Variants in SPAG16 observed in about 807,000 individuals in gnomAD.
SPAG16 encodes sperm-associated antigen 16 protein.
In SPAG16, 86 loss-of-function variants were observed where a neutral mutation model predicts 80.4. That is an observed-to-expected ratio of 1.07 (90% CI 0.90 to 1.28). The LOEUF (loss-of-function observed/expected upper bound fraction) is 1.28. Ranked by LOEUF, SPAG16 falls within the 50% of genes most tolerant of loss-of-function variation. The pLI is 0.00. For missense variants in SPAG16, 870 were observed against 765.3 expected (o/e 1.14, Z -1.61); for synonymous variants, 294 against 265.9 (o/e 1.11, Z -1.03).
intron 15 of SPAG16, among the ~76,000 whole-genome samples, chr2:214,266,873 A>G (rs1691613645): frequency 1.3e-5 from 2 of 151,832 alleles, no homozygotes; most frequent in African/African-American, 2.4e-5. Flanking sequence ...TTAGGAGTCA[A>G]TTTAACCAAG....
At chr2:213,396,535 CT>C in intron 9 of SPAG16, 1 of 355,136 alleles carries the variant, frequency 2.8e-6, no homozygotes, top group South Asian at 2.2e-5. Flanking sequence ...CAAGAGAAAG[CT>C]TATGAGCTCA....
chr2:213,934,823 A>G (rs2078918944), intron 12 of SPAG16, among the ~76,000 whole-genome samples: 1 of 152,062 alleles, frequency 6.6e-6, no homozygotes, highest in African/African-American at 2.4e-5. Context: ...TGAAAGAACA[A>G]TTGTCAAGCT....
At chr2:214,198,954 G>GT (rs2057929468) in intron 15 of SPAG16, among the ~76,000 whole-genome samples, 1 of 151,938 alleles carries the variant, frequency 6.6e-6, no homozygotes, top group East Asian at 1.9e-4. Flanking sequence ...GGGATTACTT[G>GT]TTTTTGTCTT....
At chr2:213,700,743 A>T (rs1412594871) in intron 10 of SPAG16, among the ~76,000 whole-genome samples, 6 of 152,256 alleles carry the variant, frequency 3.9e-5, no homozygotes, top group Non-Finnish European at 1.5e-5. Context: ...CAATTAATCT[A>T]TACAAAGGTC....
chr2:213,555,637 A>T (rs1014093314), intron 10 of SPAG16, among the ~76,000 whole-genome samples: 3 of 152,232 alleles, frequency 2.0e-5, no homozygotes, highest in Non-Finnish European at 4.4e-5. Context: ...TTTACATATG[A>T]GACAAGATAC....
At chr2:213,756,283 C>G (rs2068326130) in intron 10 of SPAG16, among the ~76,000 whole-genome samples, 1 of 152,092 alleles carries the variant, frequency 6.6e-6, no homozygotes, top group South Asian at 2.1e-4. Flanking sequence ...GAGTTCAAGA[C>G]CAGCCTGGCC....
At chr2:213,969,869 A>T (rs1307548051) in intron 12 of SPAG16, among the ~76,000 whole-genome samples, 1 of 151,838 alleles carries the variant, frequency 6.6e-6, no homozygotes, top group Non-Finnish European at 1.5e-5. Flanking sequence ...TTTAACAGTT[A>T]AAAAAAAGGC....
chr2:213,848,104 T>C (rs961500286), intron 10 of SPAG16, among the ~76,000 whole-genome samples: 1 of 152,200 alleles, frequency 6.6e-6, no homozygotes, highest in African/African-American at 2.4e-5. Context: ...AAACTCAGTG[T>C]AGATAATAAA....
chr2:213,414,886 GCTGT>G (rs1299023952), intron 9 of SPAG16, among the ~76,000 whole-genome samples: 4 of 152,210 alleles, frequency 2.6e-5, no homozygotes, highest in African/African-American at 9.7e-5. Flanking sequence ...GGTAGAATGT[GCTGT>G]CTGTTCTTTG....
intron 14 of SPAG16, among the ~76,000 whole-genome samples, chr2:214,122,825 G>A (rs1199634700): frequency 6.6e-6 from 1 of 151,774 alleles, no homozygotes; most frequent in African/African-American, 2.4e-5. Flanking sequence ...ACTAAAGCAG[G>A]TTCTGTCTAT....
intron 11 of SPAG16, among the ~76,000 whole-genome samples, chr2:213,892,425 C>G (rs2076818447): frequency 6.6e-6 from 1 of 152,062 alleles, no homozygotes; most frequent in Non-Finnish European, 1.5e-5. Context: ...GAAATAATAG[C>G]AAACAGGAAA....
intron 9 of SPAG16, among the ~76,000 whole-genome samples, chr2:213,462,968 G>A (rs113765728): frequency 0.023 from 3,533 of 152,292 alleles, 56 homozygotes; most frequent in South Asian, 0.038. Flanking sequence ...AAGACACAAA[G>A]ATTTGGGAAA....
At chr2:214,131,820 A>G (rs2193784) in intron 14 of SPAG16, among the ~76,000 whole-genome samples, 19,463 of 152,162 alleles carry the variant, frequency 0.13, 1,535 homozygotes, top group East Asian at 0.29. Context: ...AGGGATGAAT[A>G]GACAGGGCAT....
At chr2:214,108,298 T>G (rs1287249383) in intron 14 of SPAG16, 37 bp downstream of exon 14, 1 of 1,485,260 alleles carries the variant, frequency 6.7e-7, no homozygotes, top group Non-Finnish European at 9.3e-7. Context: ...TTTTTAATGC[T>G]TCATATATAC....
At chr2:214,256,255 A>T (rs1187794470) in intron 15 of SPAG16, among the ~76,000 whole-genome samples, 1 of 151,846 alleles carries the variant, frequency 6.6e-6, no homozygotes, top group Non-Finnish European at 1.5e-5. Context: ...TTTTTTAATG[A>T]TGAACCTACT....
intron 12 of SPAG16, among the ~76,000 whole-genome samples, chr2:213,979,238 C>G (rs1475917432): frequency 2.0e-5 from 3 of 151,422 alleles, no homozygotes; most frequent in African/African-American, 4.9e-5. Flanking sequence ...AGTCATGTCT[C>G]TCTTTTTAAA....
At chr2:214,408,752 G>T (rs1248293672) in intron 15 of SPAG16, among the ~76,000 whole-genome samples, 1 of 152,066 alleles carries the variant, frequency 6.6e-6, no homozygotes, top group African/African-American at 2.4e-5. Context: ...TGCTATGCTG[G>T]CTGTGGAAAG....
chr2:213,501,434 A>T (rs2074738238), intron 10 of SPAG16, among the ~76,000 whole-genome samples: 2 of 152,140 alleles, frequency 1.3e-5, no homozygotes, highest in South Asian at 2.1e-4. Context: ...AAATAACAGC[A>T]CTTGGTGAAA....
At position 214,410,128 on chromosome 2, in the gene SPAG16, T is replaced by G; in HGVS notation, c.1721-12T>G. 6.2e-7 allele frequency: 1 copy of G among 1,613,194 alleles called. No homozygotes were observed. ...ATTCATTCTCTCTCTCTCTCCTCTC[T>G]GTCTCCCTCAGGTCGAGTTTTAGCT... On this transcript the variant is annotated splice_polypyrimidine_tract_variant and intron_variant, in intron 15 of 15. Transcript: ENST00000331683.
Sources: allele counts gnomAD v4.1 joint callset (sites outside exome capture counted in the v4.1 genomes callset), GRCh38; gene constraint gnomAD v4.1.1; transcripts MANE v1.5; gene names NCBI Gene and HGNC (gene_info 2026-07-23, HGNC 2026-07-21).